The following HSPA12A variants were observed in gnomAD, a reference collection of about 807,000 sequenced individuals.
HSPA12A encodes heat shock protein family A (Hsp70) member 12A.
A neutral mutation model predicts 69.2 loss-of-function variants in HSPA12A; 28 were observed. The observed-to-expected ratio is 0.40, with a 90% CI of 0.30 to 0.55. HSPA12A has a LOEUF of 0.55. Among genes scored for constraint, HSPA12A ranks in the 20% least tolerant of loss-of-function variants. The probability of loss-of-function intolerance (pLI) is 0.38; values close to 1 mark genes in which losing one functional copy is unlikely to be tolerated. For synonymous variants in HSPA12A, 345 were observed against 370.5 expected (o/e 0.93, Z 0.79); for missense variants, 686 against 900.7 (o/e 0.76, Z 3.05).
At chr10:116,798,339 C>T (rs947460094) in intron 2 of HSPA12A, among the ~76,000 whole-genome samples, 4 of 152,154 alleles carry the variant, frequency 2.6e-5, no homozygotes, top group Non-Finnish European at 5.9e-5. Context: ...AGACTTTTAG[C>T]TTTAAAACCA....
chr10:116,726,521 C>T (rs1435319706), intron 1 of HSPA12A, among the ~76,000 whole-genome samples: 1 of 151,952 alleles, frequency 6.6e-6, no homozygotes, highest in South Asian at 2.1e-4. Context: ...TCACTACCTA[C>T]CACCCCCCTT....
intron 2 of HSPA12A, among the ~76,000 whole-genome samples, chr10:116,814,756 G>A (rs531667016): frequency 1.4e-4 from 22 of 152,246 alleles, no homozygotes; most frequent in South Asian, 6.2e-4. Context: ...TGAGTACCAC[G>A]GACCATTGCG....
At chr10:116,823,279 A>G (rs193045904) in intron 2 of HSPA12A, among the ~76,000 whole-genome samples, 222 of 152,364 alleles carry the variant, frequency 1.5e-3, no homozygotes, top group African/African-American at 5.0e-3. Context: ...TCTGAAAACT[A>G]TAAAACACTG....
rs558621922 is a variant in HSPA12A at position 116,761,008 on chromosome 10, T to C, written c.92-53723A>G. Among the ~76,000 whole-genome samples the C allele has an allele frequency of 1.6e-4, 16 of 98,768 alleles. No individual in the cohort carries two copies. In the South Asian group the frequency reaches 7.2e-3, roughly 44 times the overall value. 64.8% of individuals were successfully genotyped at this position (98,768 alleles called of 152,430 possible). ...GTGGGGAAAAGAACTATAATTCTCATAGAGGTTAAAAAAAAAGAAAAAAGT... is the reference window on the plus strand; with the variant it reads ...GTGGGGAAAAGAACTATAATTCTCACAGAGGTTAAAAAAAAAGAAAAAAGT... On this transcript the variant is annotated intron_variant, in intron 2 of 12. Coordinates refer to the HSPA12A transcript ENST00000635765.
At chr10:116,752,944 C>A (rs1382733579) in intron 2 of HSPA12A, among the ~76,000 whole-genome samples, 1 of 152,176 alleles carries the variant, frequency 6.6e-6, no homozygotes, top group Non-Finnish European at 1.5e-5. Context: ...GAGGCAGGAG[C>A]TTTGTAAGAG....
At chr10:116,697,337 C>A (rs1849937456) in intron 5 of HSPA12A, among the ~76,000 whole-genome samples, 1 of 152,100 alleles carries the variant, frequency 6.6e-6, no homozygotes, top group South Asian at 2.1e-4. Context: ...CAGCCACATT[C>A]CACTTCAAAA....
At position 116,842,661 on chromosome 10, in the gene HSPA12A, G is replaced by A. The variant is rs376868929; in HGVS notation, c.3+6905C>T. Among the ~76,000 whole-genome samples, 41 of 152,186 alleles carry A rather than the reference G, an allele frequency of 2.7e-4. 1 individual carries two copies. In the South Asian group the frequency reaches 4.6e-3, roughly 17 times the overall value. On this transcript the variant is annotated intron_variant, in intron 1 of 12. Coordinates refer to the HSPA12A transcript ENST00000635765. ...AGATGGAGTCTTGCTCTGTCGCCCGGGTGCAATCTCAGCTCACTACAACCT... is the reference window on the plus strand; with the variant it reads ...AGATGGAGTCTTGCTCTGTCGCCCGAGTGCAATCTCAGCTCACTACAACCT...
At chr10:116,701,763 G>C (rs969190209) in intron 3 of HSPA12A, among the ~76,000 whole-genome samples, 9 of 152,204 alleles carry the variant, frequency 5.9e-5, no homozygotes, top group Non-Finnish European at 1.0e-4. Context: ...ATGTGAGTGG[G>C]AAGAGTGACT....
At chr10:116,830,142 A>G (rs1470412843) in intron 2 of HSPA12A, 1 of 152,240 alleles carries the variant, frequency 6.6e-6, no homozygotes, top group Admixed American at 6.5e-5. Flanking sequence ...TATTCTAGCC[A>G]GGCATCCTCC....
intron 5 of HSPA12A, among the ~76,000 whole-genome samples, chr10:116,697,441 T>TCG (rs1554881002): frequency 2.5e-5 from 1 of 39,632 alleles, no homozygotes; most frequent in Admixed American, 3.2e-4. Flanking sequence ...CCATGGGGTC[T>TCG]GGGGGGATAG....
At chr10:116,837,815 C>CAA (rs544462723) in intron 1 of HSPA12A, among the ~76,000 whole-genome samples, 4 of 140,684 alleles carry the variant, frequency 2.8e-5, no homozygotes, top group African/African-American at 1.0e-4. Context: ...AAAAAGAATG[C>CAA]AAAAAAAAAA....
Position 116,706,996 on chromosome 10 carries a change from G to C in HSPA12A, c.126+204C>G, listed in dbSNP as rs148228169. On this transcript the variant is annotated intron_variant, in intron 2 of 11. Coordinates refer to ENST00000369209, the MANE Select transcript of HSPA12A (RefSeq NM_025015.3). ...CAGAAAGCCTTCCCAGGCTCGGAGT[G>C]GGGGAAGGGGCTTGGCAGGGCTCCT... Among the ~76,000 whole-genome samples the C allele has an allele frequency of 9.1e-3, 1,387 of 152,306 alleles. 7 individuals are homozygous for C. The highest frequency in any genetic ancestry group is 0.014 in the Non-Finnish European group (933 of 68,030).
intron 6 of HSPA12A, among the ~76,000 whole-genome samples, chr10:116,688,155 T>C (rs1849631612): frequency 6.6e-6 from 1 of 152,144 alleles, no homozygotes; most frequent in African/African-American, 2.4e-5. Context: ...GGATGGTGGA[T>C]TTTCTAACAG....
chr10:116,810,037 T>G (rs1293997222), intron 2 of HSPA12A, among the ~76,000 whole-genome samples: 1 of 152,124 alleles, frequency 6.6e-6, no homozygotes, highest in Non-Finnish European at 1.5e-5. Context: ...GAAGGAGAAC[T>G]GAAGAATGTG....
intron 2 of HSPA12A, among the ~76,000 whole-genome samples, chr10:116,797,355 G>A (rs538038779): frequency 2.0e-5 from 3 of 152,276 alleles, no homozygotes; most frequent in African/African-American, 7.2e-5. Flanking sequence ...AGTCTGACTA[G>A]GGGGTGGCAG....
chr10:116,677,529 CCAAA>C (rs1849275696), intron 10 of HSPA12A, among the ~76,000 whole-genome samples: 2 of 152,142 alleles, frequency 1.3e-5, no homozygotes, highest in South Asian at 4.1e-4. Flanking sequence ...TCTTGGGATT[CCAAA>C]CAGAGGACAG....
intron 1 of HSPA12A, 47 bp from the exon 2 acceptor site, chr10:116,707,332 C>T: frequency 6.9e-7 from 1 of 1,448,054 alleles, no homozygotes; most frequent in Non-Finnish European, 9.6e-7. Context: ...CATGGACTGA[C>T]CCAGGGGGAA....
At chr10:116,751,901 A>T (rs2133087585) in intron 2 of HSPA12A, among the ~76,000 whole-genome samples, 1 of 152,138 alleles carries the variant, frequency 6.6e-6, no homozygotes, top group South Asian at 2.1e-4. Context: ...ATTTGCCTTC[A>T]CCATAATTGT....
chr10:116,749,375 C>A (rs1407156351), intron 2 of HSPA12A, among the ~76,000 whole-genome samples: 2 of 152,150 alleles, frequency 1.3e-5, no homozygotes, highest in East Asian at 3.9e-4. Flanking sequence ...ATCTTCATGA[C>A]CGTGTAGATG....
Sources: allele counts gnomAD v4.1 joint callset (sites outside exome capture counted in the v4.1 genomes callset), GRCh38; gene constraint gnomAD v4.1.1; transcripts MANE v1.5; gene names NCBI Gene and HGNC (gene_info 2026-07-23, HGNC 2026-07-21).